CEP85L: variants seen among roughly 807,000 people sequenced by gnomAD.
CEP85L encodes centrosomal protein 85L.
Under a neutral mutation model 100.3 loss-of-function variants are expected in CEP85L, and 60 were observed. The ratio of observed to expected loss-of-function variants is 0.60; its 90% CI spans 0.49 to 0.74. The LOEUF (loss-of-function observed/expected upper bound fraction) is 0.74. Ranked by LOEUF, CEP85L falls within the 30% of genes least tolerant of loss-of-function variation. The probability of loss-of-function intolerance (pLI) is 0.00; values close to 1 mark genes in which losing one functional copy is unlikely to be tolerated. For synonymous variants in CEP85L, 319 were observed against 322.7 expected, an observed-to-expected ratio of 0.99 and a Z score of 0.12; for missense variants, 973 against 936.2, an observed-to-expected ratio of 1.04 and a Z score of -0.51.
chr6:118,650,254 T>C (rs946369738), intron 1 of CEP85L, among the ~76,000 whole-genome samples: 1 of 152,230 alleles, frequency 6.6e-6, no homozygotes, highest in Non-Finnish European at 1.5e-5. Context: ...AATGTCCATA[T>C]AACTCAGTTT....
intron 3 of CEP85L, among the ~76,000 whole-genome samples, chr6:118,541,676 A>G (rs573831858): frequency 6.6e-6 from 1 of 152,098 alleles, no homozygotes; most frequent in East Asian, 1.9e-4. Flanking sequence ...TGATATTATC[A>G]AAGTCTTTAA....
intron 5 of CEP85L, among the ~76,000 whole-genome samples, chr6:118,499,475 C>A (rs1319155104): frequency 6.6e-6 from 1 of 151,950 alleles, no homozygotes; most frequent in Admixed American, 6.6e-5. Flanking sequence ...ACCAGCCTGG[C>A]CAATAGGGTG....
At chr6:118,703,141 C>T (rs1777474502) in intron 1 of CEP85L, among the ~76,000 whole-genome samples, 1 of 151,948 alleles carries the variant, frequency 6.6e-6, no homozygotes, top group South Asian at 2.1e-4. Flanking sequence ...CCTAGCAAAA[C>T]AAATAAATCA....
chr6:118,617,898 C>T (rs527617443), intron 2 of CEP85L, among the ~76,000 whole-genome samples: 37 of 152,228 alleles, frequency 2.4e-4, no homozygotes, highest in African/African-American at 8.9e-4. Flanking sequence ...CCCATCCTTC[C>T]TTAGAATTCG....
intron 1 of CEP85L, among the ~76,000 whole-genome samples, chr6:118,660,316 G>A (rs1260830819): frequency 6.6e-6 from 1 of 152,240 alleles, no homozygotes. Context: ...GAAGGTGTCA[G>A]CTGAAGACCT....
chr6:118,694,693 T>G (rs189200325), intron 1 of CEP85L, among the ~76,000 whole-genome samples: 5 of 152,210 alleles, frequency 3.3e-5, no homozygotes, highest in Admixed American at 1.3e-4. Context: ...TTTTCTTTCA[T>G]AGAAATAAAG....
rs1781674994 is a variant in CEP85L at position 118,600,298 on chromosome 6, GGGGTGTGTGTGTGTGT to G, written c.232+32139_232+32154del. Among the ~76,000 whole-genome samples, 109 of 59,198 alleles carry G rather than the reference GGGGTGTGTGTGTGTGT, an allele frequency of 1.8e-3. 10 individuals are homozygous for G. The highest frequency in any genetic ancestry group is 6.0e-3 in the Admixed American group (39 of 6,530). The allele number at this position is 59,198 out of a possible 152,430, so 38.8% of individuals were successfully genotyped here. A position where few individuals can be genotyped will look rare whatever the true frequency, so the allele number is the denominator to read the frequency against. ...TACTGCCTGTCCCTGAGCCTTCCTG[GGGGTGTGTGTGTGTGT>G]GTGTGTGTGTGTGTGTGTGTGTGTG... On this transcript the variant is annotated intron_variant, in intron 2 of 12. Transcript: ENST00000368491.
At chr6:118,676,302 A>G (rs1271665487) in intron 1 of CEP85L, among the ~76,000 whole-genome samples, 2 of 152,140 alleles carry the variant, frequency 1.3e-5, no homozygotes, top group Admixed American at 6.5e-5. Context: ...GAAACTATGT[A>G]CCCTTTGACC....
chr6:118,688,143 C>A (rs1425340321), intron 1 of CEP85L, among the ~76,000 whole-genome samples: 3 of 152,214 alleles, frequency 2.0e-5, no homozygotes, highest in South Asian at 2.1e-4. Context: ...CAAGGACCCC[C>A]CAGTAACACC....
chr6:118,486,978 C>T (rs1774229730), intron 6 of CEP85L, among the ~76,000 whole-genome samples: 1 of 151,910 alleles, frequency 6.6e-6, no homozygotes, highest in Non-Finnish European at 1.5e-5. Context: ...CACAGAGACA[C>T]ATTCAAATAC....
chr6:118,651,507 C>G lies in CEP85L; in HGVS notation c.-238G>C. On this transcript the variant is annotated 5_prime_UTR_variant, in exon 1 of 13. Transcript: ENST00000368491. ...TGGGCTGAGGCCCGCGCCGGGGAAGCGGCGACTCGGCGGTGACGGCTGCTA... is the reference window on the plus strand; with the variant it reads ...TGGGCTGAGGCCCGCGCCGGGGAAGGGGCGACTCGGCGGTGACGGCTGCTA... 1.6e-6 allele frequency: 2 copies of G among 1,264,526 alleles called. No individual in the cohort carries two copies. The highest frequency in any genetic ancestry group is 2.0e-6 in the Non-Finnish European group (2 of 1,005,352). The allele number at this position is 1,264,526 out of a possible 1,614,324, so 78.3% of individuals were successfully genotyped here.
At chr6:118,617,375 C>T (rs1441432768) in intron 2 of CEP85L, among the ~76,000 whole-genome samples, 1 of 152,158 alleles carries the variant, frequency 6.6e-6, no homozygotes, top group Non-Finnish European at 1.5e-5. Flanking sequence ...TTTCTGTGAT[C>T]AGTGGGCCTT....
chr6:118,573,398 A>G (rs1780025362), intron 2 of CEP85L, among the ~76,000 whole-genome samples: 1 of 152,228 alleles, frequency 6.6e-6, no homozygotes, highest in East Asian at 1.9e-4. Flanking sequence ...TTGGAGACTC[A>G]CTGAAAGAAC....
intron 6 of CEP85L, among the ~76,000 whole-genome samples, chr6:118,489,073 G>A (rs1774378573): frequency 1.3e-5 from 2 of 152,202 alleles, no homozygotes; most frequent in Non-Finnish European, 2.9e-5. Context: ...TTTGAGACCA[G>A]CCTGGCCAAC....
intron 12 of CEP85L, among the ~76,000 whole-genome samples, chr6:118,468,334 C>T (rs1331822532): frequency 7.9e-5 from 12 of 152,186 alleles, no homozygotes; most frequent in Non-Finnish European, 1.3e-4. Flanking sequence ...ACTAAATACA[C>T]GTTGGCCCAT....
intron 2 of CEP85L, among the ~76,000 whole-genome samples, chr6:118,576,408 C>T (rs368245886): frequency 1.8e-4 from 27 of 152,356 alleles, no homozygotes; most frequent in African/African-American, 6.3e-4. Flanking sequence ...GTGAAGAAGG[C>T]CCCACCTCTG....
chr6:118,548,037 T>C (rs781033872), intron 3 of CEP85L, among the ~76,000 whole-genome samples: 1 of 152,130 alleles, frequency 6.6e-6, no homozygotes, highest in African/African-American at 2.4e-5. Flanking sequence ...TGAAGATGCA[T>C]GAATCTTTAA....
intron 2 of CEP85L, chr6:118,589,553 A>G: frequency 4.0e-6 from 1 of 251,722 alleles, no homozygotes; most frequent in South Asian, 6.6e-5. Flanking sequence ...GAAAAGGGGG[A>G]ACACGTCTGG....
chr6:118,604,934 T>A (rs946247420), intron 2 of CEP85L, among the ~76,000 whole-genome samples: 1 of 152,216 alleles, frequency 6.6e-6, no homozygotes, highest in Non-Finnish European at 1.5e-5. Flanking sequence ...CATTAAAGTT[T>A]CCATTTTTCT....
Sources: gnomAD v4.1 joint callset for allele counts (sites outside exome capture counted in the v4.1 genomes callset) on GRCh38, gnomAD v4.1.1 for gene constraint, MANE v1.5 for transcripts, NCBI Gene and HGNC (gene_info 2026-07-23, HGNC 2026-07-21) for gene names.